Variants in PIP4K2A observed in about 807,000 individuals in gnomAD.
PIP4K2A encodes the protein phosphatidylinositol 5-phosphate 4-kinase type-2 alpha.
In PIP4K2A, 14 loss-of-function variants were observed where a neutral mutation model predicts 42.9. That is an observed-to-expected ratio of 0.33 (90% CI 0.22 to 0.51). The LOEUF (loss-of-function observed/expected upper bound fraction) is 0.51, where lower values mean the gene tolerates loss of function less well. PIP4K2A is among the 20% of genes least tolerant of loss of function. The probability of loss-of-function intolerance (pLI) is 0.97; values close to 1 mark genes in which losing one functional copy is unlikely to be tolerated. For synonymous variants in PIP4K2A, 192 were observed against 192.2 expected, an observed-to-expected ratio of 1.00 and a Z score of 0.01; for missense variants, 434 against 519.8, an observed-to-expected ratio of 0.83 and a Z score of 1.61.
intron 6 of PIP4K2A, among the ~76,000 whole-genome samples, chr10:22,555,289 CCTCT>C (rs1836508928): frequency 1.3e-5 from 2 of 152,052 alleles, no homozygotes; most frequent in African/African-American, 2.4e-5. Context: ...AGTTAAGTTA[CCTCT>C]CTGTGACTTG....
At chr10:22,608,956 T>TACA (rs1273973737) in intron 2 of PIP4K2A, among the ~76,000 whole-genome samples, 2 of 152,230 alleles carry the variant, frequency 1.3e-5, no homozygotes, top group Non-Finnish European at 2.9e-5. Flanking sequence ...TCCCTCTTTG[T>TACA]GTTCCCACAC....
At chr10:22,605,692 T>C (rs1837891178) in intron 3 of PIP4K2A, among the ~76,000 whole-genome samples, 1 of 152,166 alleles carries the variant, frequency 6.6e-6, no homozygotes, top group South Asian at 2.1e-4. Flanking sequence ...AGTCAGTTTC[T>C]GTGAAATGCC....
intron 3 of PIP4K2A, among the ~76,000 whole-genome samples, chr10:22,593,610 A>G (rs985134979): frequency 2.1e-4 from 32 of 152,244 alleles, no homozygotes; most frequent in Admixed American, 1.9e-3. Flanking sequence ...GTGGGGTTTT[A>G]AATGCTAGCC....
chr10:22,557,631 AAAAACTATCTTTC>A (rs1836585021), intron 6 of PIP4K2A, among the ~76,000 whole-genome samples: 1 of 152,232 alleles, frequency 6.6e-6, no homozygotes, highest in African/African-American at 2.4e-5. Context: ...TGAGATTTTA[AAAAACTATCTTTC>A]AGATGACACA....
intron 3 of PIP4K2A, among the ~76,000 whole-genome samples, chr10:22,598,661 T>C (rs1162735007): frequency 6.6e-6 from 1 of 152,166 alleles, no homozygotes; most frequent in Admixed American, 6.5e-5. Context: ...AGCAATGGGC[T>C]GAAGTCAGGG....
intron 7 of PIP4K2A, among the ~76,000 whole-genome samples, chr10:22,547,312 CA>C (rs1836281283): frequency 6.6e-6 from 1 of 152,226 alleles, no homozygotes; most frequent in Non-Finnish European, 1.5e-5. Context: ...ACTGTGCTCT[CA>C]CAGGTATTTT....
intron 8 of PIP4K2A, among the ~76,000 whole-genome samples, chr10:22,541,008 A>C (rs187265590): frequency 6.6e-6 from 1 of 152,356 alleles, no homozygotes; most frequent in Admixed American, 6.5e-5. Context: ...AGATTAAAAA[A>C]CAACTGATGA....
At chr10:22,615,636 C>A (rs1190570642) in intron 1 of PIP4K2A, among the ~76,000 whole-genome samples, 1 of 152,138 alleles carries the variant, frequency 6.6e-6, no homozygotes, top group African/African-American at 2.4e-5. Flanking sequence ...TTAAAATTTT[C>A]TTAGGTTAGC....
chr10:22,670,114 C>G, intron 1 of PIP4K2A, among the ~76,000 whole-genome samples: 1 of 152,214 alleles, frequency 6.6e-6, no homozygotes, highest in East Asian at 1.9e-4. Context: ...TGTTGTGGCT[C>G]AAGCCTGTAA....
intron 1 of PIP4K2A, among the ~76,000 whole-genome samples, chr10:22,702,570 T>C (rs946044126): frequency 6.6e-6 from 1 of 152,234 alleles, no homozygotes; most frequent in South Asian, 2.1e-4. Context: ...TGCATGCTGC[T>C]GTAAACATAA....
chr10:22,667,151 T>C (rs1357347759), intron 1 of PIP4K2A, among the ~76,000 whole-genome samples: 1 of 152,224 alleles, frequency 6.6e-6, no homozygotes. Flanking sequence ...GTAAAATGCC[T>C]TATTTTGCCA....
At chr10:22,671,988 G>A (rs1839460800) in intron 1 of PIP4K2A, among the ~76,000 whole-genome samples, 1 of 152,030 alleles carries the variant, frequency 6.6e-6, no homozygotes, top group Non-Finnish European at 1.5e-5. Context: ...TTCAGTCTAA[G>A]TCAAAGCTAT....
At chr10:22,709,482 G>A (rs1020500832) in intron 1 of PIP4K2A, among the ~76,000 whole-genome samples, 2 of 152,124 alleles carry the variant, frequency 1.3e-5, no homozygotes, top group African/African-American at 4.8e-5. Flanking sequence ...GTATTTCGAA[G>A]GCTATGCTGG....
intron 1 of PIP4K2A, among the ~76,000 whole-genome samples, chr10:22,658,704 T>A (rs1839148408): frequency 1.3e-5 from 2 of 152,232 alleles, no homozygotes; most frequent in Non-Finnish European, 1.5e-5. Context: ...AATGAGAATG[T>A]GAACATCTCT....
At chr10:22,670,630 A>G (rs1045886586) in intron 1 of PIP4K2A, among the ~76,000 whole-genome samples, 1 of 152,184 alleles carries the variant, frequency 6.6e-6, no homozygotes, top group Non-Finnish European at 1.5e-5. Context: ...ATTTTCCATA[A>G]TATGTTATTT....
intron 4 of PIP4K2A, among the ~76,000 whole-genome samples, chr10:22,582,238 G>C (rs1442775167): frequency 6.6e-6 from 1 of 151,724 alleles, no homozygotes; most frequent in Non-Finnish European, 1.5e-5. Context: ...TGATAAATTA[G>C]AGTCATGGAA....
chr10:22,660,117 C>G (rs1200575258), intron 1 of PIP4K2A, among the ~76,000 whole-genome samples: 2 of 152,100 alleles, frequency 1.3e-5, no homozygotes, highest in African/African-American at 4.8e-5. Flanking sequence ...GTCTCACTTC[C>G]CCCTACATCC....
intron 2 of PIP4K2A, among the ~76,000 whole-genome samples, chr10:22,609,343 C>G (rs1478622051): frequency 2.6e-5 from 4 of 152,312 alleles, no homozygotes; most frequent in African/African-American, 9.6e-5. Flanking sequence ...AAAATCCAAG[C>G]AATTTACAGC....
chr10:22,678,336 CTTTT>C (rs1457657248), intron 1 of PIP4K2A, among the ~76,000 whole-genome samples: 1 of 151,774 alleles, frequency 6.6e-6, no homozygotes, highest in Non-Finnish European at 1.5e-5. Context: ...TCCCTGAATT[CTTTT>C]TAGCAGTGCA....
Sources: gnomAD v4.1 joint callset for allele counts (sites outside exome capture counted in the v4.1 genomes callset) on GRCh38, gnomAD v4.1.1 for gene constraint, MANE v1.5 for transcripts, NCBI Gene and HGNC (gene_info 2026-07-23, HGNC 2026-07-21) for gene names.